Variants in TUBGCP3 observed in about 807,000 individuals in gnomAD.
The protein encoded by TUBGCP3 is gamma-tubulin complex component 3.
Under a neutral mutation model 123.1 loss-of-function variants are expected in TUBGCP3, and 50 were observed. The observed-to-expected ratio is 0.41, with a 90% CI of 0.32 to 0.51. TUBGCP3 has a LOEUF of 0.51. Ranked by LOEUF, TUBGCP3 falls within the 20% of genes least tolerant of loss-of-function variation. The probability of loss-of-function intolerance (pLI) is 0.36; values close to 1 mark genes in which losing one functional copy is unlikely to be tolerated. For synonymous variants in TUBGCP3, 405 were observed against 413.9 expected, an observed-to-expected ratio of 0.98 and a Z score of 0.26; for missense variants, 882 against 1,127.0, an observed-to-expected ratio of 0.78 and a Z score of 3.11.
At chr13:112,566,122 G>C (rs1880939140) in intron 2 of TUBGCP3, among the ~76,000 whole-genome samples, 1 of 152,200 alleles carries the variant, frequency 6.6e-6, no homozygotes, top group Non-Finnish European at 1.5e-5. Context: ...CAGCGAATGA[G>C]AAGTTCATTC....
intron 20 of TUBGCP3, among the ~76,000 whole-genome samples, chr13:112,491,125 CTTCT>C (rs1426286766): frequency 6.6e-5 from 10 of 152,364 alleles, no homozygotes; most frequent in South Asian, 4.1e-4. Flanking sequence ...ACTTTATTAA[CTTCT>C]TTGTTTCCGA....
At chr13:112,561,320 C>T (rs1370350087) in intron 3 of TUBGCP3, among the ~76,000 whole-genome samples, 3 of 152,222 alleles carry the variant, frequency 2.0e-5, no homozygotes, top group Non-Finnish European at 4.4e-5. Flanking sequence ...AGGAGCCAAG[C>T]TGCTGCCAAC....
At chr13:112,556,268 G>A (rs1566575946) in intron 5 of TUBGCP3, 44 bp from the exon 6 acceptor site, 2 of 1,570,882 alleles carry the variant, frequency 1.3e-6, no homozygotes, top group Non-Finnish European at 1.7e-6. Flanking sequence ...GCTATTCGCT[G>A]AAGAGACAAA....
intron 6 of TUBGCP3, among the ~76,000 whole-genome samples, chr13:112,555,399 A>C (rs865796359): frequency 1.3e-5 from 2 of 152,246 alleles, no homozygotes; most frequent in African/African-American, 4.8e-5. Context: ...AGGTACAGGT[A>C]ACATCCAGAG....
the TUBGCP3 span, among the ~76,000 whole-genome samples, chr13:112,598,711 G>A: frequency 6.6e-6 from 1 of 152,138 alleles, no homozygotes; most frequent in Non-Finnish European, 1.5e-5. Context: ...TTGGGAGGCT[G>A]AGGTGGGCGG....
intron 8 of TUBGCP3, among the ~76,000 whole-genome samples, chr13:112,553,397 T>C (rs1043111309): frequency 6.6e-6 from 1 of 152,276 alleles, no homozygotes; most frequent in South Asian, 2.1e-4. Flanking sequence ...GGAGATTTCA[T>C]TGGCAGTAAT....
chr13:112,539,585 T>G (rs913236521), intron 11 of TUBGCP3, among the ~76,000 whole-genome samples: 1 of 152,196 alleles, frequency 6.6e-6, no homozygotes, highest in African/African-American at 2.4e-5. Flanking sequence ...TTGGACAAAA[T>G]GACTAGCAAA....
chr13:112,552,110 G>A (rs1030029653), intron 8 of TUBGCP3, among the ~76,000 whole-genome samples: 2 of 152,120 alleles, frequency 1.3e-5, no homozygotes, highest in African/African-American at 4.8e-5. Flanking sequence ...TTCCTAACAG[G>A]CCATGAACCA....
chr13:112,555,559 A>G (rs1301322366), intron 6 of TUBGCP3, among the ~76,000 whole-genome samples: 1 of 152,236 alleles, frequency 6.6e-6, no homozygotes. Context: ...AAAACCCTCC[A>G]TGAGGTATTC....
chr13:112,588,058 C>T lies in TUBGCP3; in HGVS notation c.-78G>A, dbSNP rs1489210190. 8.2e-7 allele frequency: 1 copy of T among 1,217,342 alleles called. No individual in the cohort carries two copies. Among genetic ancestry groups the T allele is most frequent in the Non-Finnish European group, 1.1e-6 (1 of 934,704 alleles). The allele number at this position is 1,217,342 out of a possible 1,614,324, so 75.4% of individuals were successfully genotyped here. ...ACGCGCAGGGACCGCGGCCCGCGCC[C>T]TTCCTGCGCCCCGCAAGCTCCCTGC... On this transcript the variant is annotated 5_prime_UTR_variant, in exon 1 of 22. Coordinates refer to ENST00000261965, the MANE Select transcript of TUBGCP3 (RefSeq NM_006322.6).
chr13:112,576,428 A>T (rs894556957), intron 1 of TUBGCP3, among the ~76,000 whole-genome samples: 7 of 152,198 alleles, frequency 4.6e-5, no homozygotes, highest in African/African-American at 1.4e-4. Context: ...CAGCATGGGG[A>T]CGGTAGTTAA....
chr13:112,544,255 C>T (rs959864919), intron 11 of TUBGCP3, among the ~76,000 whole-genome samples: 10 of 152,118 alleles, frequency 6.6e-5, no homozygotes, highest in East Asian at 1.9e-4. Context: ...AGATCGAGAC[C>T]ATCCTGGCTA....
At position 112,508,101 on chromosome 13, in the gene TUBGCP3, C is replaced by T. The variant is rs1463152639; in HGVS notation, c.2087-3387G>A. On this transcript the variant is annotated intron_variant, in intron 17 of 21. Transcript: ENST00000261965. The surrounding 1 kb of genome is among the most constrained non-coding windows in gnomAD (Gnocchi z 4.2). The stretch of plus-strand genomic sequence containing the variant: ...TCCCCTTCTCTCCCTCACTCCCAGC[C>T]TCAGCATCCCGCAGCCCTGGCCCCA... Among the ~76,000 whole-genome samples the T allele has an allele frequency of 2.0e-5, 3 of 152,170 alleles. No individual in the cohort carries two copies. Among genetic ancestry groups the T allele is most frequent in the East Asian group, 3.9e-4 (2 of 5,186 alleles).
chr13:112,533,292 G>A (rs536494734), intron 11 of TUBGCP3, among the ~76,000 whole-genome samples: 17 of 152,354 alleles, frequency 1.1e-4, no homozygotes, highest in Non-Finnish European at 2.1e-4. Flanking sequence ...CAGGCAGGAG[G>A]AACTGGAGGT....
intron 3 of TUBGCP3, among the ~76,000 whole-genome samples, chr13:112,560,172 T>C (rs1213611637): frequency 6.8e-6 from 1 of 147,224 alleles, no homozygotes; most frequent in East Asian, 2.0e-4. Context: ...GGCTCACGCC[T>C]GTAATCCCAG....
chr13:112,572,975 A>G (rs908911373), intron 1 of TUBGCP3, among the ~76,000 whole-genome samples: 1 of 152,126 alleles, frequency 6.6e-6, no homozygotes, highest in Non-Finnish European at 1.5e-5. Context: ...AAGGAAGCTC[A>G]GCACTGGGCA....
In TUBGCP3 at chr13:112,524,296, TTAAG is replaced by T. The variant is rs1295302261; in HGVS notation, c.1556-1791_1556-1788del. On this transcript the variant is annotated intron_variant, in intron 13 of 21. Coordinates refer to ENST00000261965, the MANE Select transcript of TUBGCP3 (RefSeq NM_006322.6). The surrounding 1 kb of genome is among the most constrained non-coding windows in gnomAD (Gnocchi z 4.4). ...GTATTTTTTTAGTGGCTGCCTTTTT[TTAAG>T]TGTTTTTGATCCTCAGTTGATTGAA... 3.3e-5 allele frequency among the ~76,000 whole-genome samples: 5 copies of T among 152,212 alleles called. No individual in the cohort carries two copies. Among genetic ancestry groups the T allele is most frequent in the African/African-American group, 1.2e-4 (5 of 41,446 alleles).
chr13:112,552,656 C>A (rs1057054342), intron 8 of TUBGCP3, among the ~76,000 whole-genome samples: 1 of 152,212 alleles, frequency 6.6e-6, no homozygotes, highest in Non-Finnish European at 1.5e-5. Flanking sequence ...ATGACGTGAC[C>A]ATTACAGGAG....
chr13:112,519,738 G>T lies in TUBGCP3; in HGVS notation c.1881+148C>A. The T allele has an allele frequency of 9.5e-7, 1 of 1,051,520 alleles. No homozygotes were observed. Among genetic ancestry groups the T allele is most frequent in the Non-Finnish European group, 1.3e-6 (1 of 765,700 alleles). The allele number at this position is 1,051,520 out of a possible 1,614,324, so 65.1% of individuals were successfully genotyped here. On this transcript the variant is annotated intron_variant, in intron 15 of 21. Coordinates refer to ENST00000261965, the MANE Select transcript of TUBGCP3 (RefSeq NM_006322.6). This position sits in a 1 kb window ranked among gnomAD's most constrained non-coding sequence, Gnocchi z 6.2. ...GCTGACCAGGCAGTAACAAGCCACAGAGTGGAGTTCCTACTCAGGCTGCCC... is the reference window on the plus strand; with the variant it reads ...GCTGACCAGGCAGTAACAAGCCACATAGTGGAGTTCCTACTCAGGCTGCCC...
Sources: allele counts gnomAD v4.1 joint callset (sites outside exome capture counted in the v4.1 genomes callset), GRCh38; gene constraint gnomAD v4.1.1; non-coding constraint Gnocchi (gnomAD v3.1); transcripts MANE v1.5; gene names NCBI Gene and HGNC (gene_info 2026-07-23, HGNC 2026-07-21).